LATS1: variants seen among roughly 807,000 people sequenced by gnomAD.
LATS1 encodes the protein large tumor suppressor kinase 1.
A neutral mutation model predicts 106.6 loss-of-function variants in LATS1; 25 were observed. The observed-to-expected ratio is 0.23, with a 90% CI of 0.17 to 0.33. The LOEUF (loss-of-function observed/expected upper bound fraction) is 0.33, where lower values mean the gene tolerates loss of function less well. LATS1 is among the 10% of genes least tolerant of loss of function. LATS1 has a pLI of 1.00. For synonymous variants in LATS1, 465 were observed against 455.6 expected (o/e 1.02, Z -0.26); for missense variants, 1,040 against 1,382.6 (o/e 0.75, Z 3.93).
intron 3 of LATS1, among the ~76,000 whole-genome samples, chr6:149,691,296 C>T (rs765899400): frequency 5.9e-5 from 9 of 152,140 alleles, no homozygotes; most frequent in Non-Finnish European, 1.2e-4. Flanking sequence ...CACAGCAAGG[C>T]GGCCGCCATC....
Position 149,683,426 on chromosome 6 carries a change from G to A in LATS1, c.1663C>T (p.Pro555Ser). The stretch of plus-strand genomic sequence containing the variant: ...AGATGTTTTGGGTAGGGTGGTGGTG[G>A]TCCTTGATAGTTTGGAGCTTCAGCA... ...PVAEAPNYQGPPPPYPKHLLH... is the reference protein window; with the variant it reads ...PVAEAPNYQGSPPPYPKHLLH... The change falls in exon 4 of 8, where the codon CCA (proline) becomes TCA (serine). Residue 555 changes from proline (P) to serine (S), a missense_variant. Coordinates refer to ENST00000543571, the MANE Select transcript of LATS1 (RefSeq NM_004690.4). The A allele has an allele frequency of 6.2e-7, 1 of 1,614,170 alleles. No individual in the cohort carries two copies. Among genetic ancestry groups the A allele is most frequent in the South Asian group, 1.1e-5 (1 of 91,082 alleles).
intron 1 of LATS1, among the ~76,000 whole-genome samples, chr6:149,704,115 T>C (rs1783616263): frequency 6.6e-6 from 1 of 152,216 alleles, no homozygotes; most frequent in African/African-American, 2.4e-5. Flanking sequence ...GTGATTCTCC[T>C]GCCTCAGCCT....
At chr6:149,679,318 G>A (rs919234240) in intron 5 of LATS1, among the ~76,000 whole-genome samples, 2 of 152,030 alleles carry the variant, frequency 1.3e-5, no homozygotes, top group Non-Finnish European at 2.9e-5. Flanking sequence ...TTGGGTGGCT[G>A]AGACAGGTGG....
rs186890890 is a variant in LATS1, at chr6:149,682,512, C to T, written c.2010+567G>A. Among the ~76,000 whole-genome samples the T allele has an allele frequency of 2.7e-3, 404 of 151,338 alleles. 1 individual carries two copies. The highest frequency in any genetic ancestry group is 8.1e-3 in the African/African-American group (335 of 41,228). ...CTGCAACCTCCGCCTCCGGGGTTCA[C>T]GCCATTCTCCTGCCTCAGCCTTCCA... On this transcript the variant is annotated intron_variant, in intron 4 of 7. Coordinates refer to ENST00000543571, the MANE Select transcript of LATS1 (RefSeq NM_004690.4).
intron 5 of LATS1, among the ~76,000 whole-genome samples, chr6:149,678,998 G>A (rs533220116): frequency 7.9e-5 from 12 of 152,068 alleles, no homozygotes; most frequent in African/African-American, 2.7e-4. Flanking sequence ...CCTCAAACAA[G>A]TCAACACAAA....
At chr6:149,695,043 A>G (rs1415486628) in intron 3 of LATS1, 31 bp downstream of exon 3, 1 of 1,544,192 alleles carries the variant, frequency 6.5e-7, no homozygotes, top group South Asian at 1.2e-5. Context: ...GTAAAAGAAG[A>G]GATGAGAAAA....
rs529125628 is a variant in LATS1, at chr6:149,718,031, T to C, written c.-323A>G. On this transcript the variant is annotated 5_prime_UTR_variant, in exon 1 of 8. The change abolishes the stop of an existing upstream ORF in the 5' untranslated region. Transcript: ENST00000543571. ...GGTCGTGAGGACCTGGCTCTCCCCT[T>C]AACACCAGGCCACCGCCGCCGCCGC... is the stretch of plus-strand genomic sequence containing the variant. 59 of 344,360 alleles carry C rather than the reference T, an allele frequency of 1.7e-4. No homozygotes were observed. Among genetic ancestry groups the C allele is most frequent in the African/African-American group, 1.0e-3 (43 of 42,970 alleles). 21.3% of individuals were successfully genotyped at this position (344,360 alleles called of 1,614,324 possible).
Position 149,683,782 on chromosome 6 carries a change from G to A in LATS1, c.1307C>T (p.Ser436Leu). ...GGATGACTGGGCTGGAGCAGAAGAT[G>A]ACTGAGGCCAATTTGTTTGCAGTCC... ...VPGLQTNWPQ[S>L]SSAPAQSSPS... Residue 436 changes from serine (S) to leucine (L), a missense_variant, in exon 4 of 8, where the codon TCA (serine) becomes TTA (leucine). Physicochemically the swap from Ser to Leu is moderately radical, Grantham distance 145. This residue lies in a region of LATS1 where 624 missense variants were observed against 714.8 expected (regional missense o/e 0.87). Transcript: ENST00000543571. The A allele has an allele frequency of 1.2e-6, 2 of 1,613,778 alleles. No homozygotes were observed. Among genetic ancestry groups the A allele is most frequent in the Non-Finnish European group, 1.7e-6 (2 of 1,180,032 alleles).
chr6:149,693,269 C>T (rs1281327490), intron 3 of LATS1, among the ~76,000 whole-genome samples: 1 of 140,616 alleles, frequency 7.1e-6, no homozygotes, highest in Non-Finnish European at 1.5e-5. Flanking sequence ...AAGACTCTGT[C>T]TCAAAGAGAA....
At chr6:149,692,498 T>A (rs565596879) in intron 3 of LATS1, among the ~76,000 whole-genome samples, 31 of 152,256 alleles carry the variant, frequency 2.0e-4, no homozygotes, top group African/African-American at 7.5e-4. Flanking sequence ...TATATAGCTG[T>A]AATTCTACAT....
chr6:149,685,871 A>G (rs1195134877), intron 3 of LATS1, among the ~76,000 whole-genome samples: 2 of 152,212 alleles, frequency 1.3e-5, no homozygotes, highest in Admixed American at 6.5e-5. Context: ...ACTTAGGAAA[A>G]ATATACAAGA....
intron 7 of LATS1, among the ~76,000 whole-genome samples, chr6:149,662,798 T>A (rs570234707): frequency 6.6e-6 from 1 of 151,760 alleles, no homozygotes; most frequent in South Asian, 2.1e-4. Context: ...ACCCCCTCTC[T>A]ACAAAAAAAC....
chr6:149,680,498 T>A, intron 4 of LATS1, 41 bp from the exon 5 acceptor site: 1 of 1,363,980 alleles, frequency 7.3e-7, no homozygotes, highest in Non-Finnish European at 1.0e-6. Context: ...ATTATCTTCT[T>A]CAATATTGAA....
chr6:149,671,122 TTTTG>T (rs35098962), intron 7 of LATS1, among the ~76,000 whole-genome samples: 66,829 of 150,440 alleles, frequency 0.44, 16,029 homozygotes, highest in East Asian at 0.81. Context: ...TCAGTTGTTT[TTTTG>T]TTTGTTTGTT....
intron 7 of LATS1, among the ~76,000 whole-genome samples, chr6:149,670,586 G>T (rs1781392936): frequency 6.6e-6 from 1 of 151,928 alleles, no homozygotes; most frequent in Non-Finnish European, 1.5e-5. Context: ...TGCCAAGGTG[G>T]GCAGTAAGAA....
chr6:149,661,800 C>G lies in LATS1; in HGVS notation c.3322G>C (p.Glu1108Gln), dbSNP rs1222120604. Residue 1108 changes from glutamate to glutamine, a missense_variant, in exon 8 of 8, where the codon GAG becomes CAG. By Grantham distance (29) the Glu-to-Gln change is conservative (BLOSUM62 2). This residue lies in a region of LATS1 where 46 missense variants were observed against 42.4 expected (regional missense o/e 1.09). Transcript: ENST00000543571. ...TGATCATCTTCATCCGACTGCTGCTCTGAGCCTTGTGAATTAATGTATTCA... is the reference window on the plus strand; with the variant it reads ...TGATCATCTTCATCCGACTGCTGCTGTGAGCCTTGTGAATTAATGTATTCA... ...EYEYINSQGS[E>Q]QQSDEDDQNT... 6.2e-7 allele frequency: 1 copy of G among 1,610,998 alleles called. No individual in the cohort carries two copies. Among genetic ancestry groups the G allele is most frequent in the African/African-American group, 1.3e-5 (1 of 74,882 alleles).
rs753740153 is a variant in LATS1, at chr6:149,695,155, T to A, written c.415A>T (p.Ser139Cys). Residue 139 changes from serine (S) to cysteine (C), a missense_variant, in exon 3 of 8, where the codon AGT (serine) becomes TGT (cysteine). This residue lies in a region of LATS1 where 624 missense variants were observed against 714.8 expected (regional missense o/e 0.87). Coordinates refer to ENST00000543571, the MANE Select transcript of LATS1 (RefSeq NM_004690.4). ...RSIEAAIEFI[S>C]KMSYQDPRRE... ...CGAGGATCTTGGTAACTCATTTTACTAATGAATTCAATTGCTGCTTCTATA... is the reference window on the plus strand; with the variant it reads ...CGAGGATCTTGGTAACTCATTTTACAAATGAATTCAATTGCTGCTTCTATA... 10 of 1,610,994 alleles carry A rather than the reference T, an allele frequency of 6.2e-6. No individual in the cohort carries two copies. The South Asian group carries it at 9.9e-5, about 16-fold the overall frequency.
chr6:149,687,052 A>G (rs1488485084), intron 3 of LATS1, among the ~76,000 whole-genome samples: 2 of 151,990 alleles, frequency 1.3e-5, no homozygotes, highest in Non-Finnish European at 2.9e-5. Context: ...AAAGTTTTTA[A>G]ACTTTATTAA....
chr6:149,662,784 C>T (rs892192528), intron 7 of LATS1, among the ~76,000 whole-genome samples: 4 of 151,386 alleles, frequency 2.6e-5, no homozygotes, highest in South Asian at 2.1e-4. Flanking sequence ...GGCAACAAAG[C>T]GAGACCCCCT....
Sources: gnomAD v4.1 joint callset for allele counts (sites outside exome capture counted in the v4.1 genomes callset) on GRCh38, gnomAD v4.1.1 for gene constraint, gnomAD v4.1.1 regional missense constraint, MANE v1.5 for transcripts, NCBI Gene and HGNC (gene_info 2026-07-23, HGNC 2026-07-21) for gene names.